Variants in CERKL observed in about 807,000 individuals in gnomAD.
CERKL encodes ceramide kinase-like protein.
Under a neutral mutation model 63.4 loss-of-function variants are expected in CERKL, and 61 were observed. The observed-to-expected ratio is 0.96, with a 90% CI of 0.78 to 1.19. CERKL has a LOEUF of 1.19. Among genes scored for constraint, CERKL ranks in the 50% most tolerant of loss-of-function variants. The probability of loss-of-function intolerance (pLI) is 0.00; values close to 1 mark genes in which losing one functional copy is unlikely to be tolerated. For missense variants in CERKL, 675 were observed against 655.5 expected (o/e 1.03, Z -0.33); for synonymous variants, 250 against 230.5 (o/e 1.08, Z -0.77).
chr2:181,609,000 G>A (rs1032499014), intron 1 of CERKL, among the ~76,000 whole-genome samples: 12 of 152,128 alleles, frequency 7.9e-5, no homozygotes, highest in Non-Finnish European at 1.0e-4. Context: ...TTCTAGACTC[G>A]TGTGGGATAA....
At chr2:181,583,778 G>A (rs771871543) in intron 2 of CERKL, among the ~76,000 whole-genome samples, 2 of 152,000 alleles carry the variant, frequency 1.3e-5, no homozygotes, top group East Asian at 1.9e-4. Context: ...TAAAACATAC[G>A]AAAAAACATG....
chr2:181,597,519 G>C (rs1330256322), intron 2 of CERKL, among the ~76,000 whole-genome samples: 1 of 152,126 alleles, frequency 6.6e-6, no homozygotes, highest in African/African-American at 2.4e-5. Flanking sequence ...AAGAAGCTGG[G>C]GTGCAGAAAG....
intron 4 of CERKL, among the ~76,000 whole-genome samples, chr2:181,564,173 C>G (rs1266069987): frequency 1.3e-5 from 2 of 152,194 alleles, no homozygotes; most frequent in African/African-American, 4.8e-5. Context: ...GGAGGTGGAG[C>G]TCAGGCGGAA....
chr2:181,548,650 T>A (rs201084053), intron 7 of CERKL, 30 bp downstream of exon 7: 151 of 1,613,266 alleles, frequency 9.4e-5, no homozygotes, highest in South Asian at 6.8e-4. Context: ...GAACCTGGGA[T>A]ACAATTTTTG....
At chr2:181,636,999 C>A (rs1687207389) in intron 1 of CERKL, among the ~76,000 whole-genome samples, 1 of 152,114 alleles carries the variant, frequency 6.6e-6, no homozygotes, top group Non-Finnish European at 1.5e-5. Context: ...CTTCTAGAGA[C>A]CCCATAATTG....
chr2:181,591,170 TTC>T (rs1684975726), intron 2 of CERKL, among the ~76,000 whole-genome samples: 1 of 152,136 alleles, frequency 6.6e-6, no homozygotes, highest in African/African-American at 2.4e-5. Flanking sequence ...GAACGTTACT[TTC>T]TGTGTAAAAA....
At chr2:181,607,677 T>C (rs1685776649) in intron 1 of CERKL, among the ~76,000 whole-genome samples, 1 of 152,112 alleles carries the variant, frequency 6.6e-6, no homozygotes, top group African/African-American at 2.4e-5. Flanking sequence ...ATGGCCAGGG[T>C]CCCCAAAATG....
intron 1 of CERKL, chr2:181,617,108 T>C (rs1686230294): frequency 6.6e-6 from 1 of 152,216 alleles, no homozygotes; most frequent in Non-Finnish European, 1.5e-5. Context: ...AATTGCTGCA[T>C]TCTTCATTAA....
In CERKL at chr2:181,550,225, GA is replaced by G. The variant is rs1327547765; in HGVS notation, c.821-518del. 1.3e-5 allele frequency among the ~76,000 whole-genome samples: 2 copies of G among 152,166 alleles called. No homozygotes were observed. The highest frequency in any genetic ancestry group is 2.9e-5 in the Non-Finnish European group (2 of 68,032). On this transcript the variant is annotated intron_variant, in intron 5 of 12. Coordinates refer to ENST00000410087, the MANE Select transcript of CERKL (RefSeq NM_201548.5). The surrounding 1 kb of genome is among the most constrained non-coding windows in gnomAD (Gnocchi z 4.5). Reference sequence around the variant, plus strand: ...TAGAGGTAAGCTCTTAGCCAAATGAGAATCCCCTCTGTTATCTGACAAATGT... The same window carrying G: ...TAGAGGTAAGCTCTTAGCCAAATGAGATCCCCTCTGTTATCTGACAAATGT...
rs578192619 is a variant in CERKL at position 181,616,389 on chromosome 2, T to A, written c.239-12310A>T. On this transcript the variant is annotated intron_variant, in intron 1 of 12. Coordinates refer to ENST00000410087, the MANE Select transcript of CERKL (RefSeq NM_201548.5). Reference sequence around the variant, plus strand: ...CCACCATGCCCGGCTAATTTTTGTATTTTTAGTAGAGACGGTGTTTCACTG... The same window carrying A: ...CCACCATGCCCGGCTAATTTTTGTAATTTTAGTAGAGACGGTGTTTCACTG... 3.9e-5 allele frequency among the ~76,000 whole-genome samples: 6 copies of A among 151,966 alleles called. No homozygotes were observed. In the South Asian group the frequency reaches 1.2e-3, roughly 32 times the overall value.
chr2:181,610,561 G>C (rs989401889), intron 1 of CERKL, among the ~76,000 whole-genome samples: 1 of 152,246 alleles, frequency 6.6e-6, no homozygotes, highest in Non-Finnish European at 1.5e-5. Flanking sequence ...AAATGAGTAA[G>C]TGAAATCTCT....
intron 8 of CERKL, 177 bp from the exon 9 acceptor site, chr2:181,548,024 G>A: frequency 3.1e-6 from 2 of 639,850 alleles, no homozygotes; most frequent in Non-Finnish European, 5.4e-6. Flanking sequence ...CCAACATAAT[G>A]TGTTGATTCA....
chr2:181,612,861 T>C (rs1686025600), intron 1 of CERKL, among the ~76,000 whole-genome samples: 1 of 152,104 alleles, frequency 6.6e-6, no homozygotes, highest in South Asian at 2.1e-4. Flanking sequence ...CTGTATAAGA[T>C]ATTATAAAGA....
chr2:181,642,078 A>G (rs1267529925), intron 1 of CERKL, among the ~76,000 whole-genome samples: 2 of 152,248 alleles, frequency 1.3e-5, no homozygotes, highest in Non-Finnish European at 2.9e-5. Context: ...CTTTGCATAC[A>G]TCTTAAAAAT....
At chr2:181,579,832 T>C (rs1020767646) in intron 2 of CERKL, among the ~76,000 whole-genome samples, 2 of 151,902 alleles carry the variant, frequency 1.3e-5, no homozygotes, top group Non-Finnish European at 2.9e-5. Flanking sequence ...ACATTATTCA[T>C]TGGAAAATCC....
At chr2:181,551,741 A>T (rs1022847718) in intron 5 of CERKL, among the ~76,000 whole-genome samples, 2 of 152,140 alleles carry the variant, frequency 1.3e-5, no homozygotes, top group African/African-American at 4.8e-5. Flanking sequence ...GTCTAAACAT[A>T]AAAGTTTTAT....
chr2:181,547,906 G>GACACACAC (rs139036113), intron 8 of CERKL, 59 bp from the exon 9 acceptor site: 244 of 1,291,696 alleles, frequency 1.9e-4, no homozygotes, highest in African/African-American at 5.3e-4. Context: ...CAGACACACA[G>GACACACAC]ACACACACAA....
rs200281258 is a variant in CERKL at position 181,536,988 on chromosome 2, G to A, written c.*1196C>T. On this transcript the variant is annotated 3_prime_UTR_variant, in exon 13 of 13. Transcript: ENST00000410087. Reference sequence around the variant, plus strand: ...CCATCCTAATTGATGAAAGTTATCTGTTCACAGGCCTGCAGTGATGGTGAG... The same window carrying A: ...CCATCCTAATTGATGAAAGTTATCTATTCACAGGCCTGCAGTGATGGTGAG... 2.2e-6 allele frequency: 1 copy of A among 451,846 alleles called. No homozygotes were observed. The highest frequency in any genetic ancestry group is 4.4e-6 in the Non-Finnish European group (1 of 225,912). The allele number at this position is 451,846 out of a possible 1,614,324, so 28.0% of individuals were successfully genotyped here.
At chr2:181,621,084 G>T (rs1686427450) in intron 1 of CERKL, among the ~76,000 whole-genome samples, 1 of 152,066 alleles carries the variant, frequency 6.6e-6, no homozygotes, top group Non-Finnish European at 1.5e-5. Flanking sequence ...ACAATTAAAA[G>T]AATATAGTTG....
Sources: gnomAD v4.1 joint callset for allele counts (sites outside exome capture counted in the v4.1 genomes callset) on GRCh38, gnomAD v4.1.1 for gene constraint, Gnocchi (gnomAD v3.1) non-coding constraint, MANE v1.5 for transcripts, NCBI Gene and HGNC (gene_info 2026-07-23, HGNC 2026-07-21) for gene names.